The following ABCC1 variants were observed in gnomAD, a reference collection of about 807,000 sequenced individuals.
ABCC1 encodes multidrug resistance-associated protein 1.
A neutral mutation model predicts 172.9 loss-of-function variants in ABCC1; 83 were observed. The observed-to-expected ratio is 0.48, with a 90% CI of 0.40 to 0.58. ABCC1 has a LOEUF of 0.58. Ranked by LOEUF, ABCC1 falls within the 20% of genes least tolerant of loss-of-function variation. The pLI is 0.00. For synonymous variants in ABCC1, 937 were observed against 825.2 expected (o/e 1.14, Z -2.32); for missense variants, 1,817 against 2,002.7 (o/e 0.91, Z 1.77).
In ABCC1 at chr16:16,138,578, G is replaced by A; in HGVS notation, c.4487+20G>A. ...CACAAGGTGATGCCACTGGCACAGT[G>A]GCCTCTAGGCTTTGGGAGTTTGCCT... On this transcript the variant is annotated intron_variant, in intron 30 of 30. Transcript: ENST00000399410. 6.5e-7 allele frequency: 1 copy of A among 1,533,208 alleles called. No individual in the cohort carries two copies. The highest frequency in any genetic ancestry group is 2.3e-5 in the East Asian group (1 of 42,802). 95.0% of individuals were successfully genotyped at this position (1,533,208 alleles called of 1,614,324 possible).
chr16:16,057,992 T>G (rs893995100), intron 12 of ABCC1, among the ~76,000 whole-genome samples: 7 of 152,158 alleles, frequency 4.6e-5, no homozygotes, highest in Admixed American at 2.0e-4. Flanking sequence ...AGATGCGCCC[T>G]GCTGGAATTA....
intron 16 of ABCC1, among the ~76,000 whole-genome samples, chr16:16,082,618 T>C (rs965360696): frequency 6.6e-6 from 1 of 152,206 alleles, no homozygotes; most frequent in Non-Finnish European, 1.5e-5. Context: ...TCCTCAAAGA[T>C]CCTTCCCGGA....
At chr16:16,057,401 T>G (rs2049708833) in intron 12 of ABCC1, among the ~76,000 whole-genome samples, 1 of 151,772 alleles carries the variant, frequency 6.6e-6, no homozygotes. Flanking sequence ...TAAAATGTAC[T>G]TATTTTATTG....
chr16:15,960,683 A>T (rs1025063701), intron 1 of ABCC1, among the ~76,000 whole-genome samples: 4 of 152,150 alleles, frequency 2.6e-5, no homozygotes, highest in African/African-American at 9.7e-5. Flanking sequence ...TTGACCCCAG[A>T]GCTCAGTGGC....
chr16:15,971,077 C>T (rs1252940432), intron 1 of ABCC1, among the ~76,000 whole-genome samples: 3 of 152,110 alleles, frequency 2.0e-5, no homozygotes, highest in Admixed American at 2.0e-4. Flanking sequence ...AATAAGATCC[C>T]CTGTATAGAG....
intron 1 of ABCC1, among the ~76,000 whole-genome samples, chr16:15,968,087 C>G (rs1567278265): frequency 6.6e-6 from 1 of 152,102 alleles, no homozygotes; most frequent in Non-Finnish European, 1.5e-5. Flanking sequence ...GTCTGGAGTA[C>G]AGTGATCTCG....
At chr16:16,006,052 C>G (rs916768419) in intron 1 of ABCC1, among the ~76,000 whole-genome samples, 3 of 151,720 alleles carry the variant, frequency 2.0e-5, no homozygotes, top group Non-Finnish European at 4.4e-5. Context: ...GGGATCTAAT[C>G]TAATTTTTTT....
At chr16:15,955,048 G>A (rs1481761771) in intron 1 of ABCC1, among the ~76,000 whole-genome samples, 1 of 152,154 alleles carries the variant, frequency 6.6e-6, no homozygotes, top group Non-Finnish European at 1.5e-5. Flanking sequence ...TCGTTGGCCA[G>A]TTTCTGGATT....
intron 1 of ABCC1, among the ~76,000 whole-genome samples, chr16:15,996,130 G>A (rs983838316): frequency 2.0e-5 from 3 of 151,680 alleles, no homozygotes; most frequent in Non-Finnish European, 2.9e-5. Flanking sequence ...GACTACAGGC[G>A]CACGCCACCA....
chr16:16,089,712 TACA>T (rs941899652), intron 18 of ABCC1, among the ~76,000 whole-genome samples: 1 of 151,718 alleles, frequency 6.6e-6, no homozygotes, highest in Non-Finnish European at 1.5e-5. Flanking sequence ...TCTACTAAAA[TACA>T]ACAACAAAAA....
At chr16:16,063,597 G>A (rs2049999492) in intron 12 of ABCC1, among the ~76,000 whole-genome samples, 1 of 152,048 alleles carries the variant, frequency 6.6e-6, no homozygotes, top group African/African-American at 2.4e-5. Flanking sequence ...AAGAGAAGAG[G>A]GGGATTTTTG....
chr16:16,006,912 ATGATGGTGG>A (rs141021721), intron 1 of ABCC1, among the ~76,000 whole-genome samples: 32,408 of 132,806 alleles, frequency 0.24, 3,735 homozygotes, highest in East Asian at 0.43. Context: ...GATGGTGATG[ATGATGGTGG>A]TGATGGTGGT....
chr16:16,141,156 T>C lies in ABCC1; in HGVS notation c.4488-17T>C, dbSNP rs575037684. ...ACCCCTCCCCTTCCCCTCATGTCTG[T>C]ATCCCCTCTCCCTCAGGGTGATCGT... On this transcript the variant is annotated splice_polypyrimidine_tract_variant and intron_variant, in intron 30 of 30. Transcript: ENST00000399410. 6.2e-7 allele frequency: 1 copy of C among 1,611,922 alleles called. No individual in the cohort carries two copies. Among genetic ancestry groups the C allele is most frequent in the South Asian group, 1.1e-5 (1 of 91,026 alleles).
At chr16:16,134,292 G>T in intron 27 of ABCC1, 58 bp from the exon 28 acceptor site, 2 of 1,602,278 alleles carry the variant, frequency 1.2e-6, no homozygotes, top group Middle Eastern at 1.8e-4. Context: ...GCACTTTGGG[G>T]CAGGGACAAG....
chr16:16,120,227 T>C (rs192379879), intron 23 of ABCC1, among the ~76,000 whole-genome samples: 28 of 151,998 alleles, frequency 1.8e-4, no homozygotes, highest in East Asian at 1.4e-3. Flanking sequence ...GGAGGCCGAG[T>C]TCCTAGCAAC....
chr16:15,952,984 A>G lies in ABCC1; in HGVS notation c.48+3185A>G, dbSNP rs570956976. On this transcript the variant is annotated intron_variant, in intron 1 of 30. Coordinates refer to ENST00000399410, the MANE Select transcript of ABCC1 (RefSeq NM_004996.4). Reference sequence around the variant, plus strand: ...GAAGGCTGTGGGGGTGGAGGTTGCAATGAGCTGAGATCACGGTCACTGCAC... The same window carrying G: ...GAAGGCTGTGGGGGTGGAGGTTGCAGTGAGCTGAGATCACGGTCACTGCAC... 1.1e-4 allele frequency among the ~76,000 whole-genome samples: 17 copies of G among 151,470 alleles called. No individual in the cohort carries two copies. The East Asian group carries it at 3.3e-3, about 29-fold the overall frequency.
chr16:16,095,818 C>T (rs541793636), intron 19 of ABCC1, among the ~76,000 whole-genome samples: 280 of 151,784 alleles, frequency 1.8e-3, no homozygotes, highest in Non-Finnish European at 3.4e-3. Flanking sequence ...AAGCATGAGT[C>T]GCGGCACCTG....
At chr16:16,089,905 A>G in intron 18 of ABCC1, among the ~76,000 whole-genome samples, 1 of 150,580 alleles carries the variant, frequency 6.6e-6, no homozygotes. Flanking sequence ...AAGCCATTGC[A>G]TACAAACTGT....
intron 12 of ABCC1, among the ~76,000 whole-genome samples, chr16:16,065,263 T>A (rs114164117): frequency 0.018 from 2,695 of 152,220 alleles, 89 homozygotes; most frequent in African/African-American, 0.061. Flanking sequence ...GGTACTTTTT[T>A]AAAAATTACT....
Sources: allele counts gnomAD v4.1 joint callset (sites outside exome capture counted in the v4.1 genomes callset), GRCh38; gene constraint gnomAD v4.1.1; transcripts MANE v1.5; gene names NCBI Gene and HGNC (gene_info 2026-07-23, HGNC 2026-07-21).